MALRD1: variants seen among roughly 807,000 people sequenced by gnomAD.
The protein encoded by MALRD1 is MAM and LDL-receptor class A domain-containing protein 1.
A neutral mutation model predicts 242.1 loss-of-function variants in MALRD1; 247 were observed. The ratio of observed to expected loss-of-function variants is 1.02; its 90% CI spans 0.92 to 1.13. MALRD1 has a LOEUF of 1.13. MALRD1 is among the 50% of genes most tolerant of loss of function. The pLI is 0.00. For synonymous variants in MALRD1, 995 were observed against 866.6 expected (o/e 1.15, Z -2.60); for missense variants, 2,989 against 2,533.1 (o/e 1.18, Z -3.86).
intron 28 of MALRD1, among the ~76,000 whole-genome samples, chr10:19,424,422 A>G (rs926123320): frequency 1.6e-4 from 25 of 152,198 alleles, no homozygotes; most frequent in Non-Finnish European, 3.7e-4. Flanking sequence ...AGCCTCCCAA[A>G]GTTCTGGGAT....
At chr10:19,656,081 G>C (rs1039497313) in intron 36 of MALRD1, among the ~76,000 whole-genome samples, 2 of 152,126 alleles carry the variant, frequency 1.3e-5, no homozygotes, top group African/African-American at 4.8e-5. Context: ...AACAATGCCA[G>C]TATATAGTAA....
intron 5 of MALRD1, among the ~76,000 whole-genome samples, chr10:19,110,860 CT>C (rs2131352415): frequency 6.6e-6 from 1 of 152,252 alleles, no homozygotes; most frequent in South Asian, 2.1e-4. Context: ...ATTGGCTGGT[CT>C]GGCTAATCAC....
At chr10:19,054,450 A>G (rs1472264313) in intron 1 of MALRD1, among the ~76,000 whole-genome samples, 2 of 152,150 alleles carry the variant, frequency 1.3e-5, no homozygotes, top group African/African-American at 4.8e-5. Flanking sequence ...GTTATTTTGA[A>G]ATATACAATA....
intron 33 of MALRD1, among the ~76,000 whole-genome samples, chr10:19,592,606 G>T (rs1452291577): frequency 1.3e-5 from 2 of 152,088 alleles, no homozygotes; most frequent in African/African-American, 4.8e-5. Flanking sequence ...TGAAAAGAAG[G>T]GCCTAGAACA....
intron 14 of MALRD1, among the ~76,000 whole-genome samples, chr10:19,188,522 T>C (rs184604254): frequency 6.8e-6 from 1 of 147,300 alleles, no homozygotes; most frequent in African/African-American, 2.5e-5. Context: ...GAATGAATAT[T>C]TGAGGACTTT....
At chr10:19,242,473 G>C (rs1010296398) in intron 18 of MALRD1, among the ~76,000 whole-genome samples, 1 of 151,996 alleles carries the variant, frequency 6.6e-6, no homozygotes, top group Non-Finnish European at 1.5e-5. Flanking sequence ...TCATTTTTTG[G>C]TTGATTTTCT....
chr10:19,525,071 ATTTTTTT>A (rs375129603), intron 31 of MALRD1, among the ~76,000 whole-genome samples: 6 of 140,926 alleles, frequency 4.3e-5, no homozygotes, highest in African/African-American at 1.6e-4. Flanking sequence ...TGCCCAGCTA[ATTTTTTT>A]TTTTTTTTGT....
chr10:19,687,939 TTA>T (rs1448940593), intron 36 of MALRD1, among the ~76,000 whole-genome samples: 4 of 150,398 alleles, frequency 2.7e-5, no homozygotes, highest in African/African-American at 7.4e-5. Flanking sequence ...TTATGTTATG[TTA>T]TGTTATGTTA....
intron 21 of MALRD1, among the ~76,000 whole-genome samples, chr10:19,298,732 G>A (rs1841819782): frequency 6.6e-6 from 1 of 152,018 alleles, no homozygotes; most frequent in African/African-American, 2.4e-5. Context: ...ATGAGCGGGT[G>A]AGAAGTTAAG....
chr10:19,348,134 T>A, intron 25 of MALRD1, 116 bp downstream of exon 25: 1 of 1,332,068 alleles, frequency 7.5e-7, no homozygotes, highest in Non-Finnish European at 1.0e-6. Context: ...GAGTTTGAAT[T>A]TATTCAACTT....
intron 36 of MALRD1, among the ~76,000 whole-genome samples, chr10:19,678,883 C>A (rs1008015137): frequency 6.6e-6 from 1 of 152,090 alleles, no homozygotes; most frequent in East Asian, 1.9e-4. Context: ...TATTGAAGGC[C>A]TTTTCTGCAT....
At chr10:19,110,800 A>T (rs1836651214) in intron 5 of MALRD1, among the ~76,000 whole-genome samples, 1 of 152,124 alleles carries the variant, frequency 6.6e-6, no homozygotes, top group Non-Finnish European at 1.5e-5. Flanking sequence ...TGCAGAGGTC[A>T]GGGTCTGGCA....
chr10:19,529,457 G>A (rs1358100027), intron 31 of MALRD1, among the ~76,000 whole-genome samples: 1 of 140,792 alleles, frequency 7.1e-6, no homozygotes, highest in Non-Finnish European at 1.5e-5. Flanking sequence ...TGTAAAAACA[G>A]AAGATATAAA....
intron 21 of MALRD1, among the ~76,000 whole-genome samples, chr10:19,300,070 C>T (rs779284691): frequency 1.7e-4 from 26 of 151,790 alleles, no homozygotes; most frequent in Admixed American, 3.9e-4. Flanking sequence ...TTCTATATGC[C>T]AACAACATCC....
At chr10:19,290,211 A>C (rs1013679526) in intron 21 of MALRD1, 3 of 152,184 alleles carry the variant, frequency 2.0e-5, no homozygotes, top group African/African-American at 7.2e-5. Context: ...ATCAGAAGTG[A>C]ACTCTGTGAT....
intron 4 of MALRD1, among the ~76,000 whole-genome samples, chr10:19,096,076 G>C (rs4748550): frequency 0.54 from 82,358 of 151,952 alleles, 22,465 homozygotes; most frequent in Middle Eastern, 0.6. Flanking sequence ...CTTTTTAGAC[G>C]TGTCTATGTT....
intron 26 of MALRD1, among the ~76,000 whole-genome samples, chr10:19,361,214 C>T (rs1844885199): frequency 6.6e-6 from 1 of 152,140 alleles, no homozygotes; most frequent in African/African-American, 2.4e-5. Context: ...GGAATGTGAA[C>T]ATATACTATA....
At chr10:19,139,290 G>A (rs772017960) in intron 10 of MALRD1, among the ~76,000 whole-genome samples, 3 of 152,076 alleles carry the variant, frequency 2.0e-5, no homozygotes, top group Non-Finnish European at 4.4e-5. Context: ...AATAAAAGAG[G>A]CTTTCCTTTG....
At chr10:19,563,743 A>G (rs1021664460) in intron 32 of MALRD1, among the ~76,000 whole-genome samples, 2 of 152,202 alleles carry the variant, frequency 1.3e-5, no homozygotes, top group South Asian at 4.1e-4. Context: ...TGGCCAACCT[A>G]GATACATGGA....
Sources: gnomAD v4.1 joint callset for allele counts (sites outside exome capture counted in the v4.1 genomes callset) on GRCh38, gnomAD v4.1.1 for gene constraint, MANE v1.5 for transcripts, NCBI Gene and HGNC (gene_info 2026-07-23, HGNC 2026-07-21) for gene names.